Variants in PDXK observed in about 807,000 individuals in gnomAD.
PDXK encodes the protein pyridoxal kinase.
PDXK carries 15 observed loss-of-function variants against 43.2 expected under a neutral mutation model. The observed-to-expected ratio is 0.35, with a 90% CI of 0.23 to 0.53. PDXK has a LOEUF of 0.53. PDXK is among the 20% of genes least tolerant of loss of function. The pLI is 0.92. For synonymous variants in PDXK, 172 were observed against 165.4 expected, an observed-to-expected ratio of 1.04 and a Z score of -0.31; for missense variants, 343 against 417.0, an observed-to-expected ratio of 0.82 and a Z score of 1.54.
chr21:43,720,361 G>A (rs1041671058), intron 1 of PDXK, among the ~76,000 whole-genome samples: 1 of 152,216 alleles, frequency 6.6e-6, no homozygotes, highest in African/African-American at 2.4e-5. Context: ...GGCCACCTGG[G>A]CACGGCGGGG....
rs1035253160 is a variant in PDXK, at chr21:43,749,856, G to A, written c.465-644G>A. On this transcript the variant is annotated intron_variant, in intron 6 of 10. Transcript: ENST00000291565. Reference sequence around the variant, plus strand: ...GTGTTGGGCTTGGCTGTCTGATACCGAGTTTGAAAAGGTCTTTCTTTGGGT... The same window carrying A: ...GTGTTGGGCTTGGCTGTCTGATACCAAGTTTGAAAAGGTCTTTCTTTGGGT... Among the ~76,000 whole-genome samples the A allele has an allele frequency of 2.6e-5, 4 of 152,350 alleles. No homozygotes were observed. The South Asian group carries it at 6.2e-4, about 24-fold the overall frequency.
At chr21:43,742,351 T>C (rs2083551445) in intron 3 of PDXK, among the ~76,000 whole-genome samples, 1 of 152,022 alleles carries the variant, frequency 6.6e-6, no homozygotes, top group African/African-American at 2.4e-5. Flanking sequence ...AGCTAACTTT[T>C]TGTGGGTGTG....
Position 43,732,042 on chromosome 21 carries a change from C to A in PDXK, c.88-2027C>A. ...GAAAGCCACAAAGTGGATTCCGCTG[C>A]TGCTATGGGAAGGGACGGTCACTAC... is the stretch of plus-strand genomic sequence containing the variant. On this transcript the variant is annotated intron_variant, in intron 1 of 10. Transcript: ENST00000291565. The surrounding 1 kb of genome is among the most constrained non-coding windows in gnomAD (Gnocchi z 4.1). 1.6e-6 allele frequency: 1 copy of A among 614,110 alleles called. No homozygotes were observed. 38.0% of individuals were successfully genotyped at this position (614,110 alleles called of 1,614,324 possible). A position where few individuals can be genotyped will look rare whatever the true frequency, so the allele number is the denominator to read the frequency against.
In PDXK at chr21:43,755,595, G is replaced by A. The variant is rs2083834608; in HGVS notation, c.760-103G>A. On this transcript the variant is annotated intron_variant, in intron 9 of 10. Transcript: ENST00000291565. ...AGCCGGCTCCCCGGTGGCTCGGAGAGCAGGACGGCCCTTGTGTTCCCTGGA... is the reference window on the plus strand; with the variant it reads ...AGCCGGCTCCCCGGTGGCTCGGAGAACAGGACGGCCCTTGTGTTCCCTGGA... The A allele has an allele frequency of 3.0e-6, 3 of 987,394 alleles. No homozygotes were observed. In the East Asian group the frequency reaches 7.1e-5, roughly 23 times the overall value. 61.2% of individuals were successfully genotyped at this position (987,394 alleles called of 1,614,324 possible). A position where few individuals can be genotyped will look rare whatever the true frequency, so the allele number is the denominator to read the frequency against.
Position 43,752,507 on chromosome 21 carries a change from G to T in PDXK, c.511-11G>T. 1 of 1,590,800 alleles carries T rather than the reference G, an allele frequency of 6.3e-7. No homozygotes were observed. The highest frequency in any genetic ancestry group is 1.1e-5 in the South Asian group (1 of 90,716). On this transcript the variant is annotated splice_polypyrimidine_tract_variant and intron_variant, in intron 7 of 10. Coordinates refer to ENST00000291565, the MANE Select transcript of PDXK (RefSeq NM_003681.5). ...ACCGGCCGTGGCTGACGCTCCCTGTGCCACTGCTAGGTGATGGACATGCTG... is the reference window on the plus strand; with the variant it reads ...ACCGGCCGTGGCTGACGCTCCCTGTTCCACTGCTAGGTGATGGACATGCTG...
Position 43,754,220 on chromosome 21 carries a change from C to T in PDXK, c.759+501C>T, listed in dbSNP as rs532012900. ...AGGGGTCCAGGCAGGTGTGGAGAGC[C>T]GTCTTTCTGGGCGTTTTGTCTGGAT... On this transcript the variant is annotated intron_variant, in intron 9 of 10. Transcript: ENST00000291565. This position sits in a 1 kb window ranked among gnomAD's most constrained non-coding sequence, Gnocchi z 5.5. 1.1e-4 allele frequency among the ~76,000 whole-genome samples: 16 copies of T among 152,222 alleles called. No individual in the cohort carries two copies. In the Middle Eastern group the frequency reaches 0.01, roughly 97 times the overall value.
At position 43,754,296 on chromosome 21, in the gene PDXK, T is replaced by TG. The variant is rs1260821031; in HGVS notation, c.759+583dup. 8.6e-5 allele frequency among the ~76,000 whole-genome samples: 13 copies of TG among 151,682 alleles called. No homozygotes were observed. Among genetic ancestry groups the TG allele is most frequent in the Non-Finnish European group, 1.5e-4 (10 of 67,844 alleles). ...AGATCGGGTGGCTTTGCTTAGACAG[T>TG]GGGGGGAGTGGGACTGTTGGGCAAC... On this transcript the variant is annotated intron_variant, in intron 9 of 10. Transcript: ENST00000291565. The surrounding 1 kb of genome is among the most constrained non-coding windows in gnomAD (Gnocchi z 5.5).
chr21:43,745,864 C>T (rs1271164928), intron 4 of PDXK: 4 of 586,884 alleles, frequency 6.8e-6, no homozygotes, highest in Non-Finnish European at 1.2e-5. Context: ...GGGTGTGCTG[C>T]TGCATGCCTG....
intron 6 of PDXK, among the ~76,000 whole-genome samples, chr21:43,749,866 A>C (rs903028693): frequency 1.3e-5 from 2 of 152,188 alleles, no homozygotes; most frequent in African/African-American, 4.8e-5. Context: ...GAGTTTGAAA[A>C]GGTCTTTCTT....
At chr21:43,744,063 C>T (rs535989446) in intron 4 of PDXK, among the ~76,000 whole-genome samples, 49 of 152,246 alleles carry the variant, frequency 3.2e-4, no homozygotes, top group African/African-American at 1.1e-3. Flanking sequence ...TCAGTGTGCT[C>T]GTATAGTGGG....
intron 7 of PDXK, among the ~76,000 whole-genome samples, chr21:43,751,993 G>A (rs925229832): frequency 3.3e-5 from 5 of 152,286 alleles, no homozygotes; most frequent in East Asian, 3.9e-4. Context: ...CCTCCCACTC[G>A]GAGGCCTTTC....
At chr21:43,741,589 T>C (rs781002247) in intron 2 of PDXK, 78 bp from the exon 3 acceptor site, 1 of 1,573,448 alleles carries the variant, frequency 6.4e-7, no homozygotes, top group African/African-American at 1.4e-5. Context: ...TCAGGGAGAG[T>C]GGGCGGGTGT....
In PDXK at chr21:43,756,987, G is replaced by A. The variant is rs2147331492; in HGVS notation, c.*924G>A. On this transcript the variant is annotated 3_prime_UTR_variant, in exon 11 of 11. Transcript: ENST00000291565. ...CCACAGCATTTGTAGACAGGACAGA[G>A]GGGTGCCTGCCCCCTGCCCCTGCTG... 1 of 152,534 alleles carries A rather than the reference G, an allele frequency of 6.6e-6. No individual in the cohort carries two copies. Among genetic ancestry groups the A allele is most frequent in the African/African-American group, 2.4e-5 (1 of 41,594 alleles). 9.4% of individuals were successfully genotyped at this position (152,534 alleles called of 1,614,324 possible). A position where few individuals can be genotyped will look rare whatever the true frequency, so the allele number is the denominator to read the frequency against.
chr21:43,743,854 G>A, intron 4 of PDXK, 47 bp downstream of exon 4: 1 of 1,414,596 alleles, frequency 7.1e-7, no homozygotes, highest in Non-Finnish European at 1.0e-6. Context: ...CCCCACACGG[G>A]TGGGGCTGGC....
intron 8 of PDXK, 127 bp downstream of exon 8, chr21:43,752,756 C>T (rs1398169953): frequency 4.8e-6 from 3 of 624,236 alleles, no homozygotes; most frequent in South Asian, 1.9e-5. Flanking sequence ...CGGGATGACA[C>T]CCCCATTTTA....
intron 1 of PDXK, chr21:43,733,777 C>G (rs563104155): frequency 2.4e-6 from 2 of 822,432 alleles, no homozygotes; most frequent in African/African-American, 1.7e-5. Flanking sequence ...TGGAATGATG[C>G]GTGAAGTGCT....
chr21:43,749,090 T>A lies in PDXK; in HGVS notation c.464+10T>A. 6.6e-7 allele frequency: 1 copy of A among 1,521,360 alleles called. No individual in the cohort carries two copies. The highest frequency in any genetic ancestry group is 9.1e-7 in the Non-Finnish European group (1 of 1,100,210). The allele number at this position is 1,521,360 out of a possible 1,614,324, so 94.2% of individuals were successfully genotyped here. The stretch of plus-strand genomic sequence containing the variant: ...ACCAGTTTGAGGCCGAGTAAGTCAT[T>A]TTATTTTATTTTACTTTATTTATTT... On this transcript the variant is annotated intron_variant, in intron 6 of 10. Transcript: ENST00000291565.
intron 1 of PDXK, chr21:43,733,825 C>G: frequency 1.4e-6 from 1 of 696,316 alleles, no homozygotes; most frequent in Non-Finnish European, 2.3e-6. Flanking sequence ...GATGCCCTCC[C>G]GGGCTGGTTG....
chr21:43,732,500 A>G lies in PDXK; in HGVS notation c.88-1569A>G. 6.9e-7 allele frequency: 1 copy of G among 1,442,058 alleles called. No individual in the cohort carries two copies. Among genetic ancestry groups the G allele is most frequent in the Non-Finnish European group, 9.8e-7 (1 of 1,023,776 alleles). 89.3% of individuals were successfully genotyped at this position (1,442,058 alleles called of 1,614,324 possible). On this transcript the variant is annotated intron_variant, in intron 1 of 10. Coordinates refer to ENST00000291565, the MANE Select transcript of PDXK (RefSeq NM_003681.5). This position sits in a 1 kb window ranked among gnomAD's most constrained non-coding sequence, Gnocchi z 4.1. ...CAGCTTGCTCGTGCTCTCATTTAAA[A>G]GCAGAAAATAGCGACTTCATTCTCG...
Sources: allele counts gnomAD v4.1 joint callset (sites outside exome capture counted in the v4.1 genomes callset), GRCh38; gene constraint gnomAD v4.1.1; non-coding constraint Gnocchi (gnomAD v3.1); transcripts MANE v1.5; gene names NCBI Gene and HGNC (gene_info 2026-07-23, HGNC 2026-07-21).